GOLGA3: variants seen among roughly 807,000 people sequenced by gnomAD.
GOLGA3 encodes the protein golgin A3, also known as golgin subfamily A member 3.
In GOLGA3, 75 loss-of-function variants were observed where a neutral mutation model predicts 169.4. The observed-to-expected ratio is 0.44, with a 90% CI of 0.37 to 0.54. GOLGA3 has a LOEUF of 0.54. GOLGA3 is among the 20% of genes least tolerant of loss of function. The pLI is 0.00. For synonymous variants in GOLGA3, 824 were observed against 822.4 expected (o/e 1.00, Z -0.03); for missense variants, 1,899 against 1,930.0 (o/e 0.98, Z 0.30).
At position 132,827,040 on chromosome 12, in the gene GOLGA3, G is replaced by A. The variant is rs149389453; in HGVS notation, c.-184+1763C>T. On this transcript the variant is annotated intron_variant, in intron 1 of 23. Coordinates refer to ENST00000450791, the MANE Select transcript of GOLGA3 (RefSeq NM_001389683.1). ...TACACACAACCCTAGGTTCACAGCTGGGTAACATCAAGGGACTTCATACTG... is the reference window on the plus strand; with the variant it reads ...TACACACAACCCTAGGTTCACAGCTAGGTAACATCAAGGGACTTCATACTG... Among the ~76,000 whole-genome samples the A allele has an allele frequency of 2.1e-3, 321 of 152,256 alleles. 2 individuals carry two copies. The highest frequency in any genetic ancestry group is 7.2e-3 in the African/African-American group (298 of 41,552).
chr12:132,810,675 C>T (rs780764407), intron 4 of GOLGA3, among the ~76,000 whole-genome samples: 44 of 151,886 alleles, frequency 2.9e-4, no homozygotes, highest in Admixed American at 2.6e-4. Context: ...CTAGCGGTAA[C>T]GCCAGCATCT....
chr12:132,803,695 T>C (rs1949244466), intron 7 of GOLGA3, among the ~76,000 whole-genome samples: 1 of 152,212 alleles, frequency 6.6e-6, no homozygotes, highest in Non-Finnish European at 1.5e-5. Context: ...AGTATTAGAA[T>C]GTAGCCTCTG....
intron 17 of GOLGA3, among the ~76,000 whole-genome samples, chr12:132,781,781 G>A (rs1244330384): frequency 6.6e-6 from 1 of 152,146 alleles, no homozygotes; most frequent in Non-Finnish European, 1.5e-5. Flanking sequence ...CTAAGTAGCT[G>A]AGTGAGAACC....
chr12:132,782,506 A>C lies in GOLGA3; in HGVS notation c.3268-13T>G. The stretch of plus-strand genomic sequence containing the variant: ...TGGATTCTTGAAGCTGAAACATACC[A>C]ATGTCACTGTAAAATTACCTGCACT... On this transcript the variant is annotated splice_polypyrimidine_tract_variant and intron_variant, in intron 16 of 23. Transcript: ENST00000450791. 6.2e-7 allele frequency: 1 copy of C among 1,602,174 alleles called. No homozygotes were observed.
chr12:132,774,762 C>A, intron 22 of GOLGA3: 1 of 441,416 alleles, frequency 2.3e-6, no homozygotes, highest in Admixed American at 3.9e-5. Flanking sequence ...GAGCGCTGCC[C>A]TCCCACCTGC....
intron 15 of GOLGA3, 94 bp from the exon 16 acceptor site, chr12:132,784,401 GC>G (rs2045781060): frequency 9.6e-7 from 1 of 1,036,374 alleles, no homozygotes. Context: ...CTGTGTGGCT[GC>G]ACACACCAGA....
chr12:132,827,715 T>C (rs1950481356), intron 1 of GOLGA3: 1 of 152,152 alleles, frequency 6.6e-6, no homozygotes, highest in South Asian at 2.1e-4. Flanking sequence ...GTATACTGCC[T>C]GAAAAGATAT....
chr12:132,782,140 G>A (rs1593247251), intron 17 of GOLGA3, among the ~76,000 whole-genome samples, 156 bp downstream of exon 17: 2 of 152,196 alleles, frequency 1.3e-5, no homozygotes, highest in African/African-American at 2.4e-5. Context: ...ACCCAGGGCC[G>A]TGGGTCACCC....
At position 132,790,070 on chromosome 12, in the gene GOLGA3, G is replaced by A. The variant is rs193271280; in HGVS notation, c.2548-780C>T. Among the ~76,000 whole-genome samples, 507 of 152,050 alleles carry A rather than the reference G, an allele frequency of 3.3e-3. 1 individual carries two copies. The highest frequency in any genetic ancestry group is 9.9e-3 in the Admixed American group (151 of 15,276). ...TTACAGGCCGGGCGTGGTGGCTCAT[G>A]CCTGTAATCCCAGCACTTTGGGAGG... On this transcript the variant is annotated intron_variant, in intron 12 of 23. Transcript: ENST00000450791.
Position 132,807,958 on chromosome 12 carries a change from C to T in GOLGA3, c.1111G>A (p.Glu371Lys). 1 of 1,613,250 alleles carries T rather than the reference C, an allele frequency of 6.2e-7. No homozygotes were observed. The change falls in exon 5 of 24, where the codon GAG becomes AAG. Residue 371 changes from glutamate (E) to lysine (K), a missense_variant. Transcript: ENST00000450791. ...IKDVLQAAAA[E>K]HQDQGQEVNG... ...ACCTCCTGCCCCTGGTCTTGGTGCT[C>T]AGCGGCTGCGGCCTGGAGGACGTCC... is the stretch of plus-strand genomic sequence containing the variant.
intron 17 of GOLGA3, 29 bp from the exon 18 acceptor site, chr12:132,780,943 G>C: frequency 3.3e-6 from 5 of 1,536,046 alleles, no homozygotes; most frequent in South Asian, 1.1e-5. Flanking sequence ...GGACAGATAA[G>C]GAAGGACGTC....
At position 132,795,874 on chromosome 12, in the gene GOLGA3, T is replaced by G. The variant is rs748419008; in HGVS notation, c.2447A>C (p.Glu816Ala). 1 of 1,613,060 alleles carries G rather than the reference T, an allele frequency of 6.2e-7. No homozygotes were observed. Residue 816 changes from glutamate (E) to alanine (A), a missense_variant, in exon 11 of 24, where the codon GAA becomes GCA. Physicochemically the swap from Glu to Ala is moderately radical, Grantham distance 107. Coordinates refer to ENST00000450791, the MANE Select transcript of GOLGA3 (RefSeq NM_001389683.1). ...TACCTGGCCGGATTTGATAGCTAAT[T>G]CTTCTCTTAACTTCTCTAAAGTTTC... is the stretch of plus-strand genomic sequence containing the variant. ...TSETLEKLRE[E>A]LAIKSGQVEH...
At chr12:132,778,682 G>C (rs564091358) in intron 18 of GOLGA3, among the ~76,000 whole-genome samples, 1 of 151,564 alleles carries the variant, frequency 6.6e-6, no homozygotes. Context: ...AGGTCATCAG[G>C]TCAGGAGATT....
chr12:132,796,237 G>A lies in GOLGA3; in HGVS notation c.2101-17C>T, dbSNP rs1205881199. The A allele has an allele frequency of 1.3e-6, 2 of 1,574,482 alleles. No homozygotes were observed. Among genetic ancestry groups the A allele is most frequent in the African/African-American group, 1.3e-5 (1 of 74,330 alleles). On this transcript the variant is annotated splice_polypyrimidine_tract_variant and intron_variant, in intron 10 of 23. Coordinates refer to ENST00000450791, the MANE Select transcript of GOLGA3 (RefSeq NM_001389683.1). ...CAACTTCACCTGGAGAAGGAATGAA[G>A]CCCACATGGCTGCGCCTGACCCTCC...
Position 132,804,088 on chromosome 12 carries a change from C to G in GOLGA3, c.1597+628G>C, listed in dbSNP as rs139091358. On this transcript the variant is annotated intron_variant, in intron 7 of 23. Transcript: ENST00000450791. The surrounding 1 kb of genome is among the most constrained non-coding windows in gnomAD (Gnocchi z 4.1). ...CGTGCTGCCAAGCCACATGGAAGCC[C>G]GCCGCGGCTTCCGCAATCCACTGCC... Among the ~76,000 whole-genome samples, 1 of 152,164 alleles carries G rather than the reference C, an allele frequency of 6.6e-6. No homozygotes were observed. Among genetic ancestry groups the G allele is most frequent in the Non-Finnish European group, 1.5e-5 (1 of 68,048 alleles).
rs769607606 is a variant in GOLGA3, at chr12:132,769,062, T to C, written c.*4043A>G. On this transcript the variant is annotated 3_prime_UTR_variant, in exon 24 of 24. Coordinates refer to ENST00000450791, the MANE Select transcript of GOLGA3 (RefSeq NM_001389683.1). ...AACAGCCACAACTTGAGGACTCTCT[T>C]TTGTGAGGAAATTTTTAATAAAAAC... is the stretch of plus-strand genomic sequence containing the variant. 1.2e-4 allele frequency: 18 copies of C among 152,622 alleles called. No individual in the cohort carries two copies. The highest frequency in any genetic ancestry group is 2.6e-4 in the Admixed American group (4 of 15,288). 9.5% of individuals were successfully genotyped at this position (152,622 alleles called of 1,614,324 possible).
rs889921804 is a variant in GOLGA3 at position 132,804,358 on chromosome 12, A to C, written c.1597+358T>G. Among the ~76,000 whole-genome samples the C allele has an allele frequency of 2.0e-5, 3 of 152,242 alleles. No homozygotes were observed. The highest frequency in any genetic ancestry group is 7.2e-5 in the African/African-American group (3 of 41,470). On this transcript the variant is annotated intron_variant, in intron 7 of 23. Coordinates refer to ENST00000450791, the MANE Select transcript of GOLGA3 (RefSeq NM_001389683.1). This position sits in a 1 kb window ranked among gnomAD's most constrained non-coding sequence, Gnocchi z 4.1. ...TCCAAGACCTAATTCATTCCCCTGGATGTGCACACAAAAATGTACACAATT... is the reference window on the plus strand; with the variant it reads ...TCCAAGACCTAATTCATTCCCCTGGCTGTGCACACAAAAATGTACACAATT...
At chr12:132,799,081 C>A (rs1443254522) in intron 8 of GOLGA3, among the ~76,000 whole-genome samples, 1 of 152,208 alleles carries the variant, frequency 6.6e-6, no homozygotes, top group Non-Finnish European at 1.5e-5. Context: ...GAGGCTAGAC[C>A]TGCCCGCATC....
intron 23 of GOLGA3, among the ~76,000 whole-genome samples, chr12:132,773,509 C>G (rs1331099411): frequency 6.6e-6 from 1 of 152,238 alleles, no homozygotes; most frequent in Non-Finnish European, 1.5e-5. Flanking sequence ...GACCAGGCGG[C>G]AGGGTGGAAG....
Sources: gnomAD v4.1 joint callset for allele counts (sites outside exome capture counted in the v4.1 genomes callset) on GRCh38, gnomAD v4.1.1 for gene constraint, Gnocchi (gnomAD v3.1) non-coding constraint, MANE v1.5 for transcripts, NCBI Gene and HGNC (gene_info 2026-07-23, HGNC 2026-07-21) for gene names.